The following MYO3A variants were observed in gnomAD, a reference collection of about 807,000 sequenced individuals.
MYO3A encodes the protein myosin-IIIa.
A neutral mutation model predicts 192.7 loss-of-function variants in MYO3A; 180 were observed. The ratio of observed to expected loss-of-function variants is 0.93; its 90% confidence interval spans 0.83 to 1.06. The LOEUF (loss-of-function observed/expected upper bound fraction) is 1.06. Among genes scored for constraint, MYO3A ranks in the 50% least tolerant of loss-of-function variants. The probability of loss-of-function intolerance (pLI) is 0.00; values close to 1 mark genes in which losing one functional copy is unlikely to be tolerated. For missense variants in MYO3A, 1,896 were observed against 1,905.0 expected (o/e 1.00, Z 0.09); for synonymous variants, 628 against 645.3 (o/e 0.97, Z 0.41).
chr10:26,039,261 T>C (rs111456452), intron 10 of MYO3A, among the ~76,000 whole-genome samples: 38 of 143,764 alleles, frequency 2.6e-4, no homozygotes, highest in Middle Eastern at 3.6e-3. Flanking sequence ...GGTTTCTCCA[T>C]GTTGGTCAGG....
chr10:25,948,406 A>C (rs1033230369), intron 2 of MYO3A, among the ~76,000 whole-genome samples: 1 of 152,190 alleles, frequency 6.6e-6, no homozygotes, highest in African/African-American at 2.4e-5. Flanking sequence ...ATTCATTTCA[A>C]AAATGTAGCT....
rs540994391 is a variant in MYO3A, at chr10:26,075,817, G to A, written c.1359+5416G>A. Among the ~76,000 whole-genome samples the A allele has an allele frequency of 2.1e-5, 3 of 144,986 alleles. No individual in the cohort carries two copies. The South Asian group carries it at 6.5e-4, about 31-fold the overall frequency. ...TCTCTCATATATATGATATATATAT[G>A]TCTCTCATATATATGATATATATGT... On this transcript the variant is annotated intron_variant, in intron 14 of 34. Coordinates refer to ENST00000642920, the MANE Select transcript of MYO3A (RefSeq NM_017433.5).
At chr10:25,957,462 T>C (rs1432163503) in intron 4 of MYO3A, among the ~76,000 whole-genome samples, 1 of 152,190 alleles carries the variant, frequency 6.6e-6, no homozygotes, top group East Asian at 1.9e-4. Flanking sequence ...CTCGTGTATG[T>C]CTTTATCAGC....
intron 20 of MYO3A, among the ~76,000 whole-genome samples, chr10:26,131,457 A>C (rs981987393): frequency 2.0e-5 from 3 of 152,130 alleles, no homozygotes; most frequent in Non-Finnish European, 4.4e-5. Flanking sequence ...CCTTTGAAAC[A>C]TTTTCCTAAA....
chr10:26,143,561 A>G lies in MYO3A; in HGVS notation c.2376A>G (p.Glu792=), dbSNP rs758480848. ...KPMGLLSLLD[E]ESRFPKATDQ... is the part of the protein sequence containing the mutation. ...TGGGTTTACTTTCCCTACTTGATGA[A>G]GAAAGTAGATTTCCCAAGGCCACTG... The change falls in exon 21 of 35, where the codon GAA becomes GAG. Residue 792 remains glutamate, a synonymous_variant. Transcript: ENST00000642920. 3.3e-5 allele frequency: 54 copies of G among 1,613,968 alleles called. No homozygotes were observed. The highest frequency in any genetic ancestry group is 4.2e-5 in the Non-Finnish European group (50 of 1,179,976).
rs1161282656 is a variant in MYO3A at position 25,971,167 on chromosome 10, CT to C, written c.303+16160del. On this transcript the variant is annotated intron_variant, in intron 4 of 34. Coordinates refer to ENST00000642920, the MANE Select transcript of MYO3A (RefSeq NM_017433.5). ...CAAGTATTTAATTATAGTTTGTTAT[CT>C]GTCTTATTTAATGTTTCCAGTTCTT... Among the ~76,000 whole-genome samples, 13 of 152,064 alleles carry C rather than the reference CT, an allele frequency of 8.5e-5. No homozygotes were observed. The East Asian group carries it at 2.3e-3, about 27-fold the overall frequency.
chr10:25,971,428 A>G (rs999851471), intron 4 of MYO3A, among the ~76,000 whole-genome samples: 6 of 152,310 alleles, frequency 3.9e-5, no homozygotes, highest in African/African-American at 1.4e-4. Flanking sequence ...TAAAATAATT[A>G]TCATTACTAG....
At chr10:25,976,573 A>G (rs1020314026) in intron 4 of MYO3A, among the ~76,000 whole-genome samples, 1 of 152,162 alleles carries the variant, frequency 6.6e-6, no homozygotes, top group Non-Finnish European at 1.5e-5. Context: ...GTTAGCTGCA[A>G]TGATCTGTTT....
rs1301242390 is a variant in MYO3A, at chr10:25,986,852, GA to G, written c.304-9630del. Among the ~76,000 whole-genome samples, 9 of 151,634 alleles carry G rather than the reference GA, an allele frequency of 5.9e-5. No homozygotes were observed. The South Asian group carries it at 1.7e-3, about 28-fold the overall frequency. ...ACCACAATCATTCTTCACAGAACTA[GA>G]AAAAAAATCATGAAATTCATATGGA... is the stretch of plus-strand genomic sequence containing the variant. On this transcript the variant is annotated intron_variant, in intron 4 of 34. Transcript: ENST00000642920.
At chr10:26,047,637 T>C (rs956066752) in intron 10 of MYO3A, among the ~76,000 whole-genome samples, 3 of 151,660 alleles carry the variant, frequency 2.0e-5, no homozygotes, top group African/African-American at 7.3e-5. Flanking sequence ...TAGCCGGGCG[T>C]GGTGGCAGGC....
At chr10:26,186,517 C>T (rs983835410) in intron 31 of MYO3A, among the ~76,000 whole-genome samples, 10 of 152,142 alleles carry the variant, frequency 6.6e-5, no homozygotes, top group Non-Finnish European at 1.0e-4. Flanking sequence ...CTGCCCACCT[C>T]GGCCTCCCAA....
chr10:26,170,614 A>G, intron 29 of MYO3A, 75 bp downstream of exon 29: 3 of 1,494,756 alleles, frequency 2.0e-6, no homozygotes, highest in Non-Finnish European at 2.7e-6. Flanking sequence ...AATAATGTTC[A>G]CAGCCTTTCT....
chr10:26,084,878 G>A (rs1836211162), intron 14 of MYO3A, among the ~76,000 whole-genome samples: 1 of 152,244 alleles, frequency 6.6e-6, no homozygotes, highest in South Asian at 2.1e-4. Context: ...GAATTCAGCT[G>A]TGAAGCCACC....
At chr10:26,165,489 C>A (rs1229204373) in intron 26 of MYO3A, among the ~76,000 whole-genome samples, 1 of 152,186 alleles carries the variant, frequency 6.6e-6, no homozygotes, top group Non-Finnish European at 1.5e-5. Flanking sequence ...TCAGTTCTTT[C>A]CTGCATTAGC....
chr10:26,145,516 T>A lies in MYO3A; in HGVS notation c.2487T>A (p.Ile829=). ...RPKRMELSFG[I]HHYAGKVLYN... ...AAAGAATGGAACTTAGTTTTGGAAT[T>A]CACCATTATGCAGGAAAGGTAAGAA... The change falls in exon 22 of 35, where the codon ATT becomes ATA. Residue 829 remains isoleucine, a synonymous_variant. Coordinates refer to ENST00000642920, the MANE Select transcript of MYO3A (RefSeq NM_017433.5). The A allele has an allele frequency of 1.2e-5, 20 of 1,604,004 alleles. No homozygotes were observed. The highest frequency in any genetic ancestry group is 1.6e-5 in the Non-Finnish European group (19 of 1,170,850).
chr10:25,943,768 TTGTGTGTGTGTG>T (rs58905708), intron 2 of MYO3A, among the ~76,000 whole-genome samples: 7 of 142,684 alleles, frequency 4.9e-5, no homozygotes, highest in South Asian at 2.3e-4. Flanking sequence ...GTTCTAACAT[TTGTGTGTGTGTG>T]TGTGTGTGTG....
At position 25,960,887 on chromosome 10, in the gene MYO3A, G is replaced by A. The variant is rs182034760; in HGVS notation, c.303+5879G>A. On this transcript the variant is annotated intron_variant, in intron 4 of 34. Transcript: ENST00000642920. ...GTCAACTGCATTTTTTATTTCTCTA[G>A]TTTGAGATAGGTTTGTATTTTTAGC... Among the ~76,000 whole-genome samples, 24 of 152,248 alleles carry A rather than the reference G, an allele frequency of 1.6e-4. No homozygotes were observed. In the East Asian group the frequency reaches 4.1e-3, roughly 26 times the overall value.
At position 26,147,409 on chromosome 10, in the gene MYO3A, TATAGC is replaced by T; in HGVS notation, c.2506-17_2506-13del. Reference sequence around the variant, plus strand: ...TGACAATGACATTGATTGTGATAATTATAGCATACTGTATCAACAGGTCCTCTATA... The same window carrying T: ...TGACAATGACATTGATTGTGATAATTATACTGTATCAACAGGTCCTCTATA... On this transcript the variant is annotated splice_polypyrimidine_tract_variant and intron_variant, in intron 22 of 34. Transcript: ENST00000642920. 6.2e-7 allele frequency: 1 copy of T among 1,604,114 alleles called. No individual in the cohort carries two copies. The highest frequency in any genetic ancestry group is 8.5e-7 in the Non-Finnish European group (1 of 1,171,128).
intron 17 of MYO3A, among the ~76,000 whole-genome samples, chr10:26,114,904 G>A (rs1390484565): frequency 6.6e-6 from 1 of 152,126 alleles, no homozygotes; most frequent in Non-Finnish European, 1.5e-5. Flanking sequence ...CACGAAGTCT[G>A]GGGTGGAAAA....
Sources: gnomAD v4.1 joint callset for allele counts (sites outside exome capture counted in the v4.1 genomes callset) on GRCh38, gnomAD v4.1.1 for gene constraint, MANE v1.5 for transcripts, NCBI Gene and HGNC (gene_info 2026-07-23, HGNC 2026-07-21) for gene names.